Variants in STEAP1 observed in about 807,000 individuals in gnomAD.
STEAP1 encodes STEAP family member 1.
STEAP1 carries 30 observed loss-of-function variants against 34.4 expected under a neutral mutation model. That is an observed-to-expected ratio of 0.87 (90% CI 0.65 to 1.18). STEAP1 has a LOEUF of 1.18. Among genes scored for constraint, STEAP1 ranks in the 50% most tolerant of loss-of-function variants. The pLI, the probability that STEAP1 is intolerant of heterozygous loss-of-function variation, is 0.00. For missense variants in STEAP1, 318 were observed against 391.1 expected, an observed-to-expected ratio of 0.81 and a Z score of 1.58; for synonymous variants, 116 against 135.3, an observed-to-expected ratio of 0.86 and a Z score of 0.99.
chr7:90,159,668 C>T (rs1429030952), intron 1 of STEAP1, 90 bp from the exon 2 acceptor site: 2 of 635,080 alleles, frequency 3.1e-6, no homozygotes, highest in Non-Finnish European at 4.7e-6. Context: ...CCATTCTAGT[C>T]TTTAAGTAAG....
At chr7:90,156,191 A>C (rs921354690) in intron 1 of STEAP1, among the ~76,000 whole-genome samples, 1 of 152,198 alleles carries the variant, frequency 6.6e-6, no homozygotes, top group African/African-American at 2.4e-5. Context: ...GATCTTCTAA[A>C]CATAGTGAAT....
chr7:90,155,357 G>T (rs891164778), intron 1 of STEAP1, among the ~76,000 whole-genome samples: 1 of 152,160 alleles, frequency 6.6e-6, no homozygotes, highest in African/African-American at 2.4e-5. Context: ...AACCCACAGT[G>T]TATTCCAGGC....
intron 1 of STEAP1, among the ~76,000 whole-genome samples, chr7:90,156,822 A>G (rs17867042): frequency 2.6e-5 from 4 of 152,256 alleles, no homozygotes; most frequent in African/African-American, 7.2e-5. Flanking sequence ...CGCCATGACT[A>G]TAAGCCCTCT....
chr7:90,159,728 A>G, intron 1 of STEAP1, 30 bp from the exon 2 acceptor site: 1 of 1,230,582 alleles, frequency 8.1e-7, no homozygotes, highest in Non-Finnish European at 1.1e-6. Context: ...AGTAGAATGG[A>G]CATGAAAGTA....
At position 90,154,483 on chromosome 7, in the gene STEAP1, G is replaced by C. The variant is rs1180193939; in HGVS notation, c.-92G>C. 2.0e-5 allele frequency: 3 copies of C among 153,256 alleles called. No homozygotes were observed. The highest frequency in any genetic ancestry group is 1.9e-4 in the East Asian group (1 of 5,172). 9.5% of individuals were successfully genotyped at this position (153,256 alleles called of 1,614,324 possible). ...TCTGGAGGCTCAGGCGCCGCGTGGG[G>C]CCCGCACCTCTGGGCAGCAGCGGCA... On this transcript the variant is annotated 5_prime_UTR_variant, in exon 1 of 5. Transcript: ENST00000297205.
At chr7:90,161,773 A>G in intron 3 of STEAP1, 141 bp from the exon 4 acceptor site, 1 of 1,380,112 alleles carries the variant, frequency 7.2e-7, no homozygotes. Context: ...AATGCAAAAA[A>G]AAAAAAAGAA....
At chr7:90,155,044 C>G (rs1047118876) in intron 1 of STEAP1, among the ~76,000 whole-genome samples, 1 of 152,076 alleles carries the variant, frequency 6.6e-6, no homozygotes, top group African/African-American at 2.4e-5. Context: ...TTCAGGTTCC[C>G]TCCAAAATAG....
intron 2 of STEAP1, 25 bp downstream of exon 2, chr7:90,159,897 TAAA>T: frequency 7.2e-7 from 1 of 1,387,976 alleles, no homozygotes; most frequent in South Asian, 1.5e-5. Flanking sequence ...ATAACAATAA[TAAA>T]TAATAATTTA....
chr7:90,163,998 A>G (rs768143251), intron 4 of STEAP1, among the ~76,000 whole-genome samples: 2 of 152,214 alleles, frequency 1.3e-5, no homozygotes, highest in Non-Finnish European at 2.9e-5. Context: ...CTGAAGTCAA[A>G]TTGATTTTTG....
At chr7:90,157,387 T>A (rs1794130553) in intron 1 of STEAP1, among the ~76,000 whole-genome samples, 1 of 152,250 alleles carries the variant, frequency 6.6e-6, no homozygotes, top group Non-Finnish European at 1.5e-5. Flanking sequence ...TACTGTGCTA[T>A]CTTAACAAAA....
intron 4 of STEAP1, among the ~76,000 whole-genome samples, chr7:90,163,965 G>A (rs917769145): frequency 2.6e-5 from 4 of 152,042 alleles, no homozygotes; most frequent in South Asian, 2.1e-4. Flanking sequence ...CACATTAGTC[G>A]CCTTCACAAC....
At chr7:90,162,909 TTTCTAAATA>T (rs1794205562) in intron 4 of STEAP1, 1 of 277,014 alleles carries the variant, frequency 3.6e-6, no homozygotes, top group Non-Finnish European at 8.6e-6. Context: ...TCACTTGAAG[TTTCTAAATA>T]TTCTTGTAAT....
chr7:90,162,959 A>G (rs1464119086), intron 4 of STEAP1: 1 of 363,714 alleles, frequency 2.7e-6, no homozygotes, highest in African/African-American at 2.1e-5. Context: ...ACTGAGGTTT[A>G]TCTTCTGGTG....
Position 90,155,610 on chromosome 7 carries a change from A to C in STEAP1, c.-32+1067A>C, listed in dbSNP as rs2270017. ...TTTTATGAAAAGATTTTACTGTAGA[A>C]CTTAAATTTCATTTTGGTTAATGTC... On this transcript the variant is annotated intron_variant, in intron 1 of 4. Coordinates refer to ENST00000297205, the MANE Select transcript of STEAP1 (RefSeq NM_012449.3). Among the ~76,000 whole-genome samples, 345 of 152,326 alleles carry C rather than the reference A, an allele frequency of 2.3e-3. 4 individuals carry two copies. The highest frequency in any genetic ancestry group is 0.011 in the East Asian group (58 of 5,186).
At chr7:90,158,112 A>G (rs1584192239) in intron 1 of STEAP1, among the ~76,000 whole-genome samples, 2 of 152,212 alleles carry the variant, frequency 1.3e-5, no homozygotes, top group Admixed American at 1.3e-4. Flanking sequence ...AAAAAATTGT[A>G]TATTTGTACA....
At chr7:90,158,370 TAAA>T (rs1443998248) in intron 1 of STEAP1, among the ~76,000 whole-genome samples, 15 of 152,262 alleles carry the variant, frequency 9.9e-5, no homozygotes, top group Non-Finnish European at 1.8e-4. Flanking sequence ...ACACTTAGCT[TAAA>T]ACATAGTCAC....
In STEAP1 at chr7:90,161,806, C is replaced by A. The variant is rs557736726; in HGVS notation, c.598-108C>A. On this transcript the variant is annotated intron_variant, in intron 3 of 4. Transcript: ENST00000297205. ...GAAAAAGTCATAAATTTGTGGAGAC[C>A]TGTTATCAGGGCTTCATAGTAGGCA... The A allele has an allele frequency of 6.0e-5, 86 of 1,438,186 alleles. No individual in the cohort carries two copies. In the African/African-American group the frequency reaches 9.3e-4, roughly 16 times the overall value. The allele number at this position is 1,438,186 out of a possible 1,614,324, so 89.1% of individuals were successfully genotyped here.
chr7:90,154,484 C>T lies in STEAP1; in HGVS notation c.-91C>T, dbSNP rs1794092490. 3 of 153,126 alleles carry T rather than the reference C, an allele frequency of 2.0e-5. No homozygotes were observed. The allele number at this position is 153,126 out of a possible 1,614,324, so 9.5% of individuals were successfully genotyped here. A position where few individuals can be genotyped will look rare whatever the true frequency, so the allele number is the denominator to read the frequency against. ...CTGGAGGCTCAGGCGCCGCGTGGGG[C>T]CCGCACCTCTGGGCAGCAGCGGCAG... On this transcript the variant is annotated 5_prime_UTR_variant, in exon 1 of 5. Coordinates refer to ENST00000297205, the MANE Select transcript of STEAP1 (RefSeq NM_012449.3).
chr7:90,159,452 C>G (rs1188216671), intron 1 of STEAP1, among the ~76,000 whole-genome samples: 1 of 152,178 alleles, frequency 6.6e-6, no homozygotes, highest in Admixed American at 6.5e-5. Flanking sequence ...CAGATGGAAA[C>G]CTGAAATTAA....
Sources: allele counts gnomAD v4.1 joint callset (sites outside exome capture counted in the v4.1 genomes callset), GRCh38; gene constraint gnomAD v4.1.1; transcripts MANE v1.5; gene names NCBI Gene and HGNC (gene_info 2026-07-23, HGNC 2026-07-21).